The following GMDS variants were observed in gnomAD, a reference collection of about 807,000 sequenced individuals.
The protein encoded by GMDS is GDP-mannose 4,6 dehydratase.
In GMDS, 20 loss-of-function variants were observed where a neutral mutation model predicts 49.9. The ratio of observed to expected loss-of-function variants is 0.40; its 90% CI spans 0.28 to 0.58. The LOEUF (loss-of-function observed/expected upper bound fraction) is 0.58, where lower values mean the gene tolerates loss of function less well. Ranked by LOEUF, GMDS falls within the 20% of genes least tolerant of loss-of-function variation. The probability of loss-of-function intolerance (pLI) is 0.42; values close to 1 mark genes in which losing one functional copy is unlikely to be tolerated. For synonymous variants in GMDS, 177 were observed against 178.6 expected (o/e 0.99, Z 0.07); for missense variants, 362 against 481.4 (o/e 0.75, Z 2.32).
chr6:1,653,434 T>C (rs1325655684), intron 9 of GMDS, among the ~76,000 whole-genome samples: 1 of 152,188 alleles, frequency 6.6e-6, no homozygotes, highest in South Asian at 2.1e-4. Context: ...TTTGCAGAAA[T>C]AGAAATCCAT....
At chr6:1,646,243 A>C (rs948040331) in intron 9 of GMDS, among the ~76,000 whole-genome samples, 3 of 152,092 alleles carry the variant, frequency 2.0e-5, no homozygotes, top group Non-Finnish European at 4.4e-5. Flanking sequence ...GCTGTGGCCC[A>C]AGCCCTCAGT....
intron 9 of GMDS, among the ~76,000 whole-genome samples, chr6:1,638,132 G>A (rs1406348774): frequency 6.6e-6 from 1 of 152,120 alleles, no homozygotes; most frequent in Non-Finnish European, 1.5e-5. Flanking sequence ...GCGCTACAGG[G>A]GTCCAGATTA....
At position 1,733,405 on chromosome 6, in the gene GMDS, T is replaced by G. The variant is rs549466941; in HGVS notation, c.891-6893A>C. ...GAGCTGAATGGATGGGGTGAGGCTG[T>G]GTGTGGAGGTGGCTCCTTGATGCCT... On this transcript the variant is annotated intron_variant, in intron 8 of 10. Transcript: ENST00000380815. Among the ~76,000 whole-genome samples the G allele has an allele frequency of 1.0e-3, 154 of 152,152 alleles. 1 individual carries two copies. The highest frequency in any genetic ancestry group is 3.6e-3 in the African/African-American group (151 of 41,504).
chr6:1,873,303 C>T (rs1201101654), intron 7 of GMDS, among the ~76,000 whole-genome samples: 2 of 152,166 alleles, frequency 1.3e-5, no homozygotes, highest in East Asian at 1.9e-4. Flanking sequence ...GACCTCCTCC[C>T]ACCGCTTCTC....
intron 9 of GMDS, among the ~76,000 whole-genome samples, chr6:1,652,131 G>A (rs1561700209): frequency 6.6e-6 from 1 of 151,070 alleles, no homozygotes; most frequent in African/African-American, 2.4e-5. Flanking sequence ...CCAGCACTTT[G>A]GGAGGCGAGG....
chr6:2,082,537 A>G (rs891146804), intron 4 of GMDS, among the ~76,000 whole-genome samples: 2 of 152,200 alleles, frequency 1.3e-5, no homozygotes, highest in Non-Finnish European at 2.9e-5. Context: ...TAAAAACTCA[A>G]AGTGCATTTC....
At chr6:2,219,128 G>C (rs1460126210) in intron 1 of GMDS, among the ~76,000 whole-genome samples, 1 of 152,150 alleles carries the variant, frequency 6.6e-6, no homozygotes, top group Non-Finnish European at 1.5e-5. Context: ...ACAGGCAACA[G>C]GTCGGTCCTC....
chr6:1,752,940 G>A (rs955537167), intron 7 of GMDS, among the ~76,000 whole-genome samples: 1 of 152,264 alleles, frequency 6.6e-6, no homozygotes, highest in African/African-American at 2.4e-5. Context: ...ATGCCAAATT[G>A]TAAAGACCAT....
At position 2,164,529 on chromosome 6, in the gene GMDS, G is replaced by C. The variant is rs535039122; in HGVS notation, c.103-39798C>G. 1.9e-3 allele frequency among the ~76,000 whole-genome samples: 288 copies of C among 152,274 alleles called. 1 individual carries two copies. The highest frequency in any genetic ancestry group is 3.9e-3 in the Admixed American group (60 of 15,296). On this transcript the variant is annotated intron_variant, in intron 1 of 10. Transcript: ENST00000380815. ...AGGGGTGGAGAGGCTACTCCCATTG[G>C]GGGTGGAGAGGCCACATCCACTGGC...
At chr6:1,805,353 GT>G (rs1476266442) in intron 7 of GMDS, among the ~76,000 whole-genome samples, 2 of 152,150 alleles carry the variant, frequency 1.3e-5, no homozygotes, top group African/African-American at 4.8e-5. Flanking sequence ...TGTATTGACA[GT>G]CCCCCACATA....
chr6:2,033,974 A>G (rs1477629542), intron 4 of GMDS, among the ~76,000 whole-genome samples: 7 of 152,220 alleles, frequency 4.6e-5, no homozygotes, highest in Admixed American at 4.6e-4. Context: ...AAAAAATATT[A>G]AAACTTTCAT....
At chr6:1,958,499 C>T (rs1028127575) in intron 6 of GMDS, among the ~76,000 whole-genome samples, 5 of 152,110 alleles carry the variant, frequency 3.3e-5, no homozygotes, top group African/African-American at 9.7e-5. Flanking sequence ...CCACAAAATT[C>T]ATTAAAGAAA....
At position 1,635,220 on chromosome 6, in the gene GMDS, T is replaced by C. The variant is rs1763107112; in HGVS notation, c.988-10680A>G. Among the ~76,000 whole-genome samples the C allele has an allele frequency of 6.6e-6, 1 of 152,216 alleles. No homozygotes were observed. Among genetic ancestry groups the C allele is most frequent in the Non-Finnish European group, 1.5e-5 (1 of 68,032 alleles). On this transcript the variant is annotated intron_variant, in intron 9 of 10. Transcript: ENST00000380815. The surrounding 1 kb of genome is among the most constrained non-coding windows in gnomAD (Gnocchi z 4.7). ...TGATTTGAGGCCAAAGCCTCTCTGCTGAGCAAGTCTGCTTAGCTCTGGGAA... is the reference window on the plus strand; with the variant it reads ...TGATTTGAGGCCAAAGCCTCTCTGCCGAGCAAGTCTGCTTAGCTCTGGGAA...
chr6:2,207,618 G>C (rs1441393420), intron 1 of GMDS, among the ~76,000 whole-genome samples: 4 of 151,972 alleles, frequency 2.6e-5, no homozygotes, highest in Admixed American at 2.0e-4. Context: ...TGTCTGCATT[G>C]TTCCTAGGAC....
chr6:1,845,393 T>C lies in GMDS; in HGVS notation c.771+84710A>G, dbSNP rs536262363. The stretch of plus-strand genomic sequence containing the variant: ...ACCATTTATCAGTGATGAGCATATA[T>C]ATATAAAACATAGATCTTGTAGAAA... On this transcript the variant is annotated intron_variant, in intron 7 of 10. Coordinates refer to ENST00000380815, the MANE Select transcript of GMDS (RefSeq NM_001500.4). Among the ~76,000 whole-genome samples the C allele has an allele frequency of 6.6e-5, 10 of 152,324 alleles. No homozygotes were observed. In the East Asian group the frequency reaches 1.9e-3, roughly 29 times the overall value.
At chr6:2,021,191 GT>G (rs1768258794) in intron 4 of GMDS, among the ~76,000 whole-genome samples, 2 of 152,200 alleles carry the variant, frequency 1.3e-5, no homozygotes, top group African/African-American at 4.8e-5. Flanking sequence ...TTGCTTTTAA[GT>G]ATTTGAAAAG....
chr6:1,708,437 G>A lies in GMDS; in HGVS notation c.987+17979C>T, dbSNP rs116761069. Among the ~76,000 whole-genome samples the A allele has an allele frequency of 3.1e-3, 477 of 152,320 alleles. 1 individual carries two copies. Among genetic ancestry groups the A allele is most frequent in the African/African-American group, 0.011 (453 of 41,578 alleles). On this transcript the variant is annotated intron_variant, in intron 9 of 10. Coordinates refer to ENST00000380815, the MANE Select transcript of GMDS (RefSeq NM_001500.4). The stretch of plus-strand genomic sequence containing the variant: ...GCGTTGTCAATACAGCAACAGCAAC[G>A]AGGACAAACATGCCACACGGTGGGT...
At chr6:1,840,367 T>A (rs1757103682) in intron 7 of GMDS, among the ~76,000 whole-genome samples, 2 of 152,116 alleles carry the variant, frequency 1.3e-5, no homozygotes, top group East Asian at 3.9e-4. Context: ...TCTCCAAAAC[T>A]TTTTGAATGA....
At chr6:2,223,897 T>A (rs190994653) in intron 1 of GMDS, among the ~76,000 whole-genome samples, 3 of 152,144 alleles carry the variant, frequency 2.0e-5, no homozygotes, top group African/African-American at 7.2e-5. Flanking sequence ...GTTGTAGACA[T>A]AGAAAGTGAA....
Sources: gnomAD v4.1 joint callset for allele counts (sites outside exome capture counted in the v4.1 genomes callset) on GRCh38, gnomAD v4.1.1 for gene constraint, Gnocchi (gnomAD v3.1) non-coding constraint, MANE v1.5 for transcripts, NCBI Gene and HGNC (gene_info 2026-07-23, HGNC 2026-07-21) for gene names.